Variants in CSMD1 observed in about 807,000 individuals in gnomAD.
CSMD1 encodes the protein CUB and sushi domain-containing protein 1.
CSMD1 carries 213 observed loss-of-function variants against 417.5 expected under a neutral mutation model. The ratio of observed to expected loss-of-function variants is 0.51; its 90% CI spans 0.46 to 0.57. The LOEUF (loss-of-function observed/expected upper bound fraction) is 0.57. Ranked by LOEUF, CSMD1 falls within the 20% of genes least tolerant of loss-of-function variation. CSMD1 has a pLI of 0.00. For missense variants in CSMD1, 6,923 were observed against 4,529.7 expected (o/e 1.53, Z -15.17); for synonymous variants, 2,862 against 1,736.8 (o/e 1.65, Z -16.11).
intron 11 of CSMD1, among the ~76,000 whole-genome samples, chr8:3,473,228 T>G (rs1817208008): frequency 6.6e-6 from 1 of 152,200 alleles, no homozygotes; most frequent in Non-Finnish European, 1.5e-5. Flanking sequence ...TTCATTTGCA[T>G]GAAACAGTCA....
chr8:4,644,896 TG>T (rs1369029975), intron 1 of CSMD1, among the ~76,000 whole-genome samples: 2 of 152,216 alleles, frequency 1.3e-5, no homozygotes, highest in African/African-American at 4.8e-5. Flanking sequence ...TTGAAGCCTG[TG>T]GGTGAGTTTG....
intron 1 of CSMD1, among the ~76,000 whole-genome samples, chr8:4,662,542 G>A (rs778780361): frequency 2.0e-5 from 3 of 152,174 alleles, no homozygotes; most frequent in Admixed American, 6.5e-5. Context: ...ACTTTCGCTC[G>A]TCTCCCTGGA....
At chr8:3,257,460 C>A (rs1169405022) in intron 26 of CSMD1, among the ~76,000 whole-genome samples, 1 of 152,140 alleles carries the variant, frequency 6.6e-6, no homozygotes, top group Non-Finnish European at 1.5e-5. Flanking sequence ...CAAAATACAA[C>A]CAAGTAATAA....
chr8:4,005,881 C>T (rs1816071320), intron 4 of CSMD1, among the ~76,000 whole-genome samples: 2 of 152,190 alleles, frequency 1.3e-5, no homozygotes. Context: ...CAGGAGCTGG[C>T]TGCCAAAATC....
At chr8:3,968,203 A>C (rs1175767100) in intron 5 of CSMD1, among the ~76,000 whole-genome samples, 1 of 148,328 alleles carries the variant, frequency 6.7e-6, no homozygotes, top group East Asian at 2.0e-4. Flanking sequence ...TAATAATAAT[A>C]ATAATAAATA....
intron 3 of CSMD1, among the ~76,000 whole-genome samples, chr8:4,119,904 T>C (rs1802383244): frequency 6.6e-6 from 1 of 152,006 alleles, no homozygotes; most frequent in Non-Finnish European, 1.5e-5. Flanking sequence ...CGGAGTCTGG[T>C]AAGGGTAGTG....
chr8:4,174,067 T>G (rs2680614), intron 3 of CSMD1, among the ~76,000 whole-genome samples: 2 of 152,252 alleles, frequency 1.3e-5, no homozygotes, highest in African/African-American at 2.4e-5. Flanking sequence ...GCCACCTGCC[T>G]GCTTATGATC....
At chr8:3,040,975 A>T (rs1365104897) in intron 50 of CSMD1, among the ~76,000 whole-genome samples, 1 of 152,194 alleles carries the variant, frequency 6.6e-6, no homozygotes, top group Non-Finnish European at 1.5e-5. Flanking sequence ...TTCCAGTGTC[A>T]TATTTCTGTT....
intron 1 of CSMD1, among the ~76,000 whole-genome samples, chr8:4,783,824 G>C (rs1293144362): frequency 6.6e-6 from 1 of 152,148 alleles, no homozygotes; most frequent in African/African-American, 2.4e-5. Flanking sequence ...CCAGCCTAAG[G>C]AAAACATTCT....
intron 4 of CSMD1, 37 bp downstream of exon 4, chr8:4,031,868 C>T (rs376847724): frequency 1.3e-6 from 2 of 1,536,844 alleles, no homozygotes; most frequent in African/African-American, 1.4e-5. Context: ...TTGCCCTGCC[C>T]TGGAGTCTGC....
chr8:3,927,388 CA>C (rs1479934276), intron 5 of CSMD1, among the ~76,000 whole-genome samples: 1 of 151,930 alleles, frequency 6.6e-6, no homozygotes, highest in Non-Finnish European at 1.5e-5. Flanking sequence ...ACAATACAGC[CA>C]GACACAGTGG....
At chr8:3,212,106 T>G (rs147265272) in intron 30 of CSMD1, among the ~76,000 whole-genome samples, 325 of 152,226 alleles carry the variant, frequency 2.1e-3, no homozygotes, top group Middle Eastern at 3.4e-3. Context: ...GATCAAAGGC[T>G]CTCTTTACCT....
Position 3,893,381 on chromosome 8 carries a change from G to T in CSMD1, c.818+104522C>A, listed in dbSNP as rs1209939600. Among the ~76,000 whole-genome samples the T allele has an allele frequency of 7.7e-5, 4 of 51,758 alleles. 1 individual carries two copies. Among genetic ancestry groups the T allele is most frequent in the East Asian group, 1.1e-3 (2 of 1,772 alleles). The allele number at this position is 51,758 out of a possible 152,430, so 34.0% of individuals were successfully genotyped here. ...TATATATTATTTTTTTTCTTAGAGG[G>T]TCATCAAAATTGTATGACCTTGAAG... On this transcript the variant is annotated intron_variant, in intron 5 of 69. Coordinates refer to ENST00000635120, the MANE Select transcript of CSMD1 (RefSeq NM_033225.6).
intron 5 of CSMD1, among the ~76,000 whole-genome samples, chr8:3,991,188 C>A (rs1814719167): frequency 6.6e-6 from 1 of 152,098 alleles, no homozygotes; most frequent in East Asian, 1.9e-4. Context: ...CAGGTGAAAA[C>A]AAAAATATCC....
intron 1 of CSMD1, among the ~76,000 whole-genome samples, chr8:4,868,569 A>T (rs1450443642): frequency 2.0e-5 from 3 of 152,064 alleles, no homozygotes; most frequent in Non-Finnish European, 2.9e-5. Flanking sequence ...GTTATTATTA[A>T]AAAACCAATC....
chr8:4,283,209 T>A (rs955002261), intron 3 of CSMD1, among the ~76,000 whole-genome samples: 2 of 152,160 alleles, frequency 1.3e-5, no homozygotes, highest in African/African-American at 4.8e-5. Flanking sequence ...ATGAATATGA[T>A]TTTTCTAAAT....
chr8:4,172,796 A>T (rs1485974229), intron 3 of CSMD1, among the ~76,000 whole-genome samples: 3 of 152,102 alleles, frequency 2.0e-5, no homozygotes, highest in African/African-American at 7.2e-5. Context: ...AGCCTATCCC[A>T]TGTCTTTAGG....
chr8:3,913,448 T>C (rs113399521), intron 5 of CSMD1, among the ~76,000 whole-genome samples: 1 of 152,022 alleles, frequency 6.6e-6, no homozygotes, highest in African/African-American at 2.4e-5. Context: ...CGAAGGGAAA[T>C]GTAACCTCCA....
chr8:4,739,915 C>A, intron 1 of CSMD1, among the ~76,000 whole-genome samples: 1 of 152,288 alleles, frequency 6.6e-6, no homozygotes, highest in Admixed American at 6.5e-5. Flanking sequence ...ACCCTCCCTT[C>A]TTCAGTTGCT....
Sources: allele counts gnomAD v4.1 joint callset (sites outside exome capture counted in the v4.1 genomes callset), GRCh38; gene constraint gnomAD v4.1.1; transcripts MANE v1.5; gene names NCBI Gene and HGNC (gene_info 2026-07-23, HGNC 2026-07-21).